NOX4: variants seen among roughly 807,000 people sequenced by gnomAD.
NOX4 encodes kidney oxidase-1.
In NOX4, 69 loss-of-function variants were observed where a neutral mutation model predicts 87.6. The observed-to-expected ratio is 0.79, with a 90% CI of 0.65 to 0.96. The LOEUF is 0.96. Ranked by LOEUF, NOX4 falls within the 40% of genes least tolerant of loss-of-function variation. The probability of loss-of-function intolerance (pLI) is 0.00; values close to 1 mark genes in which losing one functional copy is unlikely to be tolerated. For synonymous variants in NOX4, 275 were observed against 238.2 expected (o/e 1.15, Z -1.42); for missense variants, 680 against 681.5 (o/e 1.00, Z 0.02).
In NOX4 at chr11:89,491,317, G is replaced by T; in HGVS notation, c.-71C>A. 1 of 1,415,836 alleles carries T rather than the reference G, an allele frequency of 7.1e-7. No homozygotes were observed. The highest frequency in any genetic ancestry group is 9.7e-7 in the Non-Finnish European group (1 of 1,032,752). The allele number at this position is 1,415,836 out of a possible 1,614,324, so 87.7% of individuals were successfully genotyped here. A position where few individuals can be genotyped will look rare whatever the true frequency, so the allele number is the denominator to read the frequency against. On this transcript the variant is annotated 5_prime_UTR_variant, in exon 1 of 18. Coordinates refer to ENST00000263317, the MANE Select transcript of NOX4 (RefSeq NM_016931.5). ...AGGAGCGGGCGGCGGCCGGGGCAGC[G>T]GTTACAGTTGTGCGGCCTGCCGGGC... is the stretch of plus-strand genomic sequence containing the variant.
chr11:89,337,507 T>G lies in NOX4; in HGVS notation c.1455A>C (p.Gln485His), dbSNP rs1356544185. The G allele has an allele frequency of 3.7e-6, 6 of 1,611,774 alleles. No homozygotes were observed. Among genetic ancestry groups the G allele is most frequent in the Non-Finnish European group, 2.5e-6 (3 of 1,178,504 alleles). The change falls in exon 16 of 18, where the codon CAA (glutamine) becomes CAC (histidine). Residue 485 changes from glutamine (Q) to histidine (H), a missense_variant. Coordinates refer to ENST00000263317, the MANE Select transcript of NOX4 (RefSeq NM_016931.5). ...TGTTGACATAGTCAGGTCTGTTCTC[T>G]TGCCAAAACTGAGAGGACAGAAAAA... is the stretch of plus-strand genomic sequence containing the variant. ...LLCMLHNKFWQENRPDYVNIQ... is the reference protein window; with the variant it reads ...LLCMLHNKFWHENRPDYVNIQ...
chr11:89,497,742 G>A (rs1418565872), intron 1 of NOX4, among the ~76,000 whole-genome samples: 3 of 152,050 alleles, frequency 2.0e-5, no homozygotes, highest in Non-Finnish European at 4.4e-5. Flanking sequence ...GTTCATTCTT[G>A]TTTTCCCAGA....
At chr11:89,479,649 C>A (rs1401739882) in intron 2 of NOX4, among the ~76,000 whole-genome samples, 1 of 152,106 alleles carries the variant, frequency 6.6e-6, no homozygotes, top group Non-Finnish European at 1.5e-5. Context: ...TGATAGTTTC[C>A]ATTTAGAGAT....
At chr11:89,353,380 C>A (rs1261560205) in intron 13 of NOX4, among the ~76,000 whole-genome samples, 1 of 152,136 alleles carries the variant, frequency 6.6e-6, no homozygotes, top group Non-Finnish European at 1.5e-5. Flanking sequence ...AATCAGTCAG[C>A]AACCATCAAC....
At chr11:89,513,177 G>GT in the NOX4 span, among the ~76,000 whole-genome samples, 1 of 151,934 alleles carries the variant, frequency 6.6e-6, no homozygotes, top group Admixed American at 6.6e-5. Flanking sequence ...AAAATTAGCT[G>GT]TGTGTGGTGG....
At chr11:89,521,286 G>A in the NOX4 span, among the ~76,000 whole-genome samples, 2 of 151,982 alleles carry the variant, frequency 1.3e-5, no homozygotes, top group African/African-American at 4.8e-5. Context: ...AAACTACGGT[G>A]TAAGGCTGCA....
At chr11:89,336,685 C>T (rs748990483) in intron 16 of NOX4, among the ~76,000 whole-genome samples, 8 of 151,966 alleles carry the variant, frequency 5.3e-5, no homozygotes, top group East Asian at 1.9e-4. Context: ...CCTTAATTAT[C>T]GCAATACCAG....
chr11:89,429,094 T>C (rs941347659), intron 7 of NOX4, among the ~76,000 whole-genome samples: 2 of 152,142 alleles, frequency 1.3e-5, no homozygotes, highest in Admixed American at 1.3e-4. Context: ...CTGAACAACC[T>C]GCTCCTGAAT....
At chr11:89,447,659 G>A (rs1280350855) in intron 4 of NOX4, among the ~76,000 whole-genome samples, 2 of 152,190 alleles carry the variant, frequency 1.3e-5, no homozygotes, top group African/African-American at 4.8e-5. Flanking sequence ...TGCTAGCTCA[G>A]TTGCTTGGTT....
At chr11:89,468,438 A>C (rs994326510) in intron 2 of NOX4, among the ~76,000 whole-genome samples, 37 of 152,266 alleles carry the variant, frequency 2.4e-4, no homozygotes, top group Non-Finnish European at 3.2e-4. Flanking sequence ...GTCATTGCCC[A>C]GAGCAGTGCT....
At chr11:89,450,617 A>G (rs2135385617) in intron 3 of NOX4, among the ~76,000 whole-genome samples, 1 of 151,998 alleles carries the variant, frequency 6.6e-6, no homozygotes, top group African/African-American at 2.4e-5. Flanking sequence ...ACATGTGCAC[A>G]ATGTGCAGGT....
chr11:89,371,996 T>A (rs2135053853), intron 12 of NOX4, among the ~76,000 whole-genome samples: 1 of 151,908 alleles, frequency 6.6e-6, no homozygotes, highest in South Asian at 2.1e-4. Context: ...CCAATATTAT[T>A]TTTTTTAACT....
rs1463867358 is a variant in NOX4 at position 89,325,728 on chromosome 11, G to C, written c.*1028C>G. The C allele has an allele frequency of 2.6e-5, 4 of 151,934 alleles. No individual in the cohort carries two copies. The highest frequency in any genetic ancestry group is 2.6e-4 in the Admixed American group (4 of 15,286). 9.4% of individuals were successfully genotyped at this position (151,934 alleles called of 1,614,324 possible). A position where few individuals can be genotyped will look rare whatever the true frequency, so the allele number is the denominator to read the frequency against. ...GCAAAGGAGATAAATCTTATATTCA[G>C]TCCCTACTGACACACATGATGTCCT... On this transcript the variant is annotated 3_prime_UTR_variant, in exon 18 of 18. Transcript: ENST00000263317.
the NOX4 span, among the ~76,000 whole-genome samples, chr11:89,568,388 C>A: frequency 6.6e-6 from 1 of 152,084 alleles, no homozygotes; most frequent in African/African-American, 2.4e-5. Context: ...AATTTACCAA[C>A]AACATCCAAG....
the NOX4 span, among the ~76,000 whole-genome samples, chr11:89,537,411 A>T: frequency 1.3e-5 from 2 of 151,480 alleles, no homozygotes; most frequent in South Asian, 4.2e-4. Context: ...ATAGTTATAT[A>T]TACATATTAT....
Position 89,384,454 on chromosome 11 carries a change from T to G in NOX4, c.1075-10962A>C, listed in dbSNP as rs559489604. Among the ~76,000 whole-genome samples the G allele has an allele frequency of 5.6e-4, 85 of 152,258 alleles. 1 individual carries two copies. The South Asian group carries it at 0.018, about 32-fold the overall frequency. ...ATTCTTCATGAAAACACACATGCTC[T>G]CCCAGCTGATCATGTCTGGCTAATC... On this transcript the variant is annotated intron_variant, in intron 11 of 17. Coordinates refer to ENST00000263317, the MANE Select transcript of NOX4 (RefSeq NM_016931.5).
At chr11:89,489,347 A>ACC (rs113453909) in intron 2 of NOX4, among the ~76,000 whole-genome samples, 1 of 151,780 alleles carries the variant, frequency 6.6e-6, no homozygotes, top group African/African-American at 2.4e-5. Context: ...TTTTTTCTGC[A>ACC]CCCCCCCACT....
intron 8 of NOX4, among the ~76,000 whole-genome samples, chr11:89,408,828 C>A (rs10765202): frequency 6.6e-6 from 1 of 152,034 alleles, no homozygotes; most frequent in South Asian, 2.1e-4. Context: ...TATCTCCAAA[C>A]GCTTAATAAT....
the NOX4 span, among the ~76,000 whole-genome samples, chr11:89,565,151 CTTTAT>C: frequency 5.9e-5 from 9 of 152,126 alleles, no homozygotes; most frequent in African/African-American, 2.2e-4. Flanking sequence ...ATTCTCTTCT[CTTTAT>C]TTAACTCTTC....
Sources: gnomAD v4.1 joint callset for allele counts (sites outside exome capture counted in the v4.1 genomes callset) on GRCh38, gnomAD v4.1.1 for gene constraint, MANE v1.5 for transcripts, NCBI Gene and HGNC (gene_info 2026-07-23, HGNC 2026-07-21) for gene names.